Variants in ARHGEF26 observed in about 807,000 individuals in gnomAD.
ARHGEF26 encodes the protein Rho guanine nucleotide exchange factor (GEF) 26.
Under a neutral mutation model 89.4 loss-of-function variants are expected in ARHGEF26, and 59 were observed. The ratio of observed to expected loss-of-function variants is 0.66; its 90% CI spans 0.54 to 0.82. The LOEUF (loss-of-function observed/expected upper bound fraction) is 0.82. ARHGEF26 is among the 40% of genes least tolerant of loss of function. The pLI, the probability that ARHGEF26 is intolerant of heterozygous loss-of-function variation, is 0.00. For missense variants in ARHGEF26, 1,234 were observed against 1,085.6 expected (o/e 1.14, Z -1.92); for synonymous variants, 500 against 428.4 (o/e 1.17, Z -2.06).
At chr3:154,167,344 C>G (rs990355074) in intron 6 of ARHGEF26, among the ~76,000 whole-genome samples, 20 of 152,152 alleles carry the variant, frequency 1.3e-4, no homozygotes, top group African/African-American at 4.8e-4. Context: ...GCCTGAGAAA[C>G]AGAGTATTCC....
intron 6 of ARHGEF26, among the ~76,000 whole-genome samples, chr3:154,168,883 C>T (rs934327821): frequency 1.2e-4 from 18 of 144,524 alleles, no homozygotes; most frequent in African/African-American, 4.4e-4. Flanking sequence ...AGTGTGCCTA[C>T]AGATACCACT....
chr3:154,223,485 A>G (rs1194865874), intron 10 of ARHGEF26, among the ~76,000 whole-genome samples: 1 of 152,252 alleles, frequency 6.6e-6, no homozygotes, highest in Non-Finnish European at 1.5e-5. Context: ...AAAATGTGAT[A>G]TATGCATATA....
At chr3:154,146,066 C>CA (rs1452299933) in intron 4 of ARHGEF26, among the ~76,000 whole-genome samples, 1 of 152,060 alleles carries the variant, frequency 6.6e-6, no homozygotes, top group Non-Finnish European at 1.5e-5. Flanking sequence ...GCTGCCATAA[C>CA]AAAATACCAT....
intron 9 of ARHGEF26, among the ~76,000 whole-genome samples, chr3:154,199,131 A>G (rs1002271616): frequency 6.6e-6 from 1 of 151,948 alleles, no homozygotes; most frequent in Non-Finnish European, 1.5e-5. Context: ...CTGTTGTGCT[A>G]TCACATAGAT....
chr3:154,177,626 A>G (rs1158394168), intron 6 of ARHGEF26, among the ~76,000 whole-genome samples: 2 of 152,084 alleles, frequency 1.3e-5, no homozygotes, highest in Non-Finnish European at 2.9e-5. Context: ...ATTGTGTTCC[A>G]TCAGGCCTGG....
At chr3:154,153,025 A>G (rs1720119826) in intron 6 of ARHGEF26, 93 bp downstream of exon 6, 1 of 1,178,750 alleles carries the variant, frequency 8.5e-7, no homozygotes, top group Non-Finnish European at 1.1e-6. Context: ...TCTGGTTATC[A>G]AGTCTCATTC....
intron 9 of ARHGEF26, among the ~76,000 whole-genome samples, chr3:154,213,312 A>G (rs1382360828): frequency 6.6e-6 from 1 of 151,750 alleles, no homozygotes; most frequent in African/African-American, 2.4e-5. Context: ...AGCTTTAGTG[A>G]ACCAAATTTA....
intron 8 of ARHGEF26, 33 bp downstream of exon 8, chr3:154,191,451 A>G (rs1713954770): frequency 6.3e-7 from 1 of 1,596,906 alleles, no homozygotes; most frequent in African/African-American, 1.4e-5. Flanking sequence ...TCCTCTGTGG[A>G]TAGCTGTGCT....
rs1042514109 is a variant in ARHGEF26, at chr3:154,122,124, C to A, written c.132C>A (p.Asn44Lys). 6 of 1,607,494 alleles carry A rather than the reference C, an allele frequency of 3.7e-6. No individual in the cohort carries two copies. The highest frequency in any genetic ancestry group is 5.1e-6 in the Non-Finnish European group (6 of 1,176,942). Residue 44 changes from asparagine to lysine, a missense_variant, in exon 2 of 15, where the codon AAC becomes AAA. Coordinates refer to ENST00000465093, the MANE Select transcript of ARHGEF26 (RefSeq NM_015595.4). ...GGCCCCAGTCCTACCAGAGCCCCAA[C>A]GGGTTACTAATTACGGATTTCCCGG... is the stretch of plus-strand genomic sequence containing the variant. Reference protein sequence around the residue: ...KPRPQSYQSPNGLLITDFPVE... With the variant: ...KPRPQSYQSPKGLLITDFPVE...
chr3:154,169,654 T>C (rs78710734), intron 6 of ARHGEF26, among the ~76,000 whole-genome samples: 1,614 of 152,324 alleles, frequency 0.011, 23 homozygotes, highest in African/African-American at 0.037. Context: ...GTTCTAGTGC[T>C]GTACTGCTGT....
At chr3:154,210,907 C>T (rs1341984441) in intron 9 of ARHGEF26, among the ~76,000 whole-genome samples, 4 of 151,234 alleles carry the variant, frequency 2.6e-5, no homozygotes, top group South Asian at 4.2e-4. Context: ...CGCACCATTG[C>T]ACTCTAGCCT....
intron 6 of ARHGEF26, among the ~76,000 whole-genome samples, chr3:154,184,931 C>T (rs1713427101): frequency 6.6e-6 from 1 of 152,308 alleles, no homozygotes; most frequent in East Asian, 1.9e-4. Context: ...GGAGTGGAGT[C>T]TGTACCTCAG....
At position 154,257,142 on chromosome 3, in the gene ARHGEF26, C is replaced by A; in HGVS notation, c.*1669C>A. The stretch of plus-strand genomic sequence containing the variant: ...TGTGCCTGGCTCACACAGCCTGCAC[C>A]CTGTCACCTCGGCAATGAGCCAGTG... On this transcript the variant is annotated 3_prime_UTR_variant, in exon 15 of 15. Transcript: ENST00000465093. The A allele has an allele frequency of 1.3e-6, 1 of 753,214 alleles. No individual in the cohort carries two copies. Among genetic ancestry groups the A allele is most frequent in the Non-Finnish European group, 2.0e-6 (1 of 504,938 alleles). The allele number at this position is 753,214 out of a possible 1,614,324, so 46.7% of individuals were successfully genotyped here. A position where few individuals can be genotyped will look rare whatever the true frequency, so the allele number is the denominator to read the frequency against.
intron 2 of ARHGEF26, among the ~76,000 whole-genome samples, chr3:154,124,124 C>G (rs764171004): frequency 2.6e-5 from 4 of 152,110 alleles, no homozygotes; most frequent in Non-Finnish European, 5.9e-5. Context: ...TGGTGAATCA[C>G]GAGTTGTAAA....
Position 154,240,444 on chromosome 3 carries a change from T to G in ARHGEF26, c.2165T>G (p.Leu722Arg), listed in dbSNP as rs777270797. The G allele has an allele frequency of 1.7e-5, 28 of 1,613,512 alleles. No individual in the cohort carries two copies. Among genetic ancestry groups the G allele is most frequent in the South Asian group, 1.5e-4 (14 of 90,990 alleles). Residue 722 changes from leucine to arginine, a missense_variant, in exon 12 of 15, where the codon CTT becomes CGT. Leu to Arg is a moderately radical substitution (Grantham distance 102). Transcript: ENST00000465093. ...LLVESCDNEE[L>R]NSSPGKNSST... is the part of the protein sequence containing the mutation. Reference sequence around the variant, plus strand: ...GTGGAATCTTGTGACAATGAAGAGCTTAATTCTTCTCCAGGGAAGAACAGC... The same window carrying G: ...GTGGAATCTTGTGACAATGAAGAGCGTAATTCTTCTCCAGGGAAGAACAGC...
intron 6 of ARHGEF26, among the ~76,000 whole-genome samples, chr3:154,169,068 T>G (rs1160635341): frequency 1.3e-5 from 2 of 152,094 alleles, no homozygotes; most frequent in African/African-American, 4.8e-5. Context: ...AGAAAAAGTT[T>G]GGGCATTATT....
intron 10 of ARHGEF26, 25 bp from the exon 11 acceptor site, chr3:154,225,831 T>G: frequency 6.3e-7 from 1 of 1,576,540 alleles, no homozygotes; most frequent in Non-Finnish European, 8.6e-7. Context: ...TTAGCTTTGG[T>G]CACTGGGTTT....
intron 4 of ARHGEF26, among the ~76,000 whole-genome samples, chr3:154,147,444 C>G (rs1576702530): frequency 6.6e-6 from 1 of 152,132 alleles, no homozygotes; most frequent in Non-Finnish European, 1.5e-5. Context: ...GGAGCCTGTA[C>G]AATTTTAATT....
intron 10 of ARHGEF26, among the ~76,000 whole-genome samples, chr3:154,224,994 T>C (rs1246167443): frequency 1.3e-5 from 2 of 152,146 alleles, no homozygotes; most frequent in African/African-American, 2.4e-5. Flanking sequence ...CCAAGAACTT[T>C]TGCTTATTTT....
Sources: gnomAD v4.1 joint callset for allele counts (sites outside exome capture counted in the v4.1 genomes callset) on GRCh38, gnomAD v4.1.1 for gene constraint, MANE v1.5 for transcripts, NCBI Gene and HGNC (gene_info 2026-07-23, HGNC 2026-07-21) for gene names.